Variants in TMEM120B observed in about 807,000 individuals in gnomAD.
TMEM120B encodes the protein transmembrane protein 120B.
In TMEM120B, 31 loss-of-function variants were observed where a neutral mutation model predicts 55.5. That is an observed-to-expected ratio of 0.56 (90% confidence interval 0.42 to 0.75). The LOEUF is 0.75. TMEM120B is among the 30% of genes least tolerant of loss of function. TMEM120B has a pLI of 0.00. For synonymous variants in TMEM120B, 203 were observed against 176.3 expected (o/e 1.15, Z -1.20); for missense variants, 399 against 425.5 (o/e 0.94, Z 0.55).
chr12:121,761,767 C>T, intron 6 of TMEM120B, 29 bp downstream of exon 6: 2 of 1,577,890 alleles, frequency 1.3e-6, no homozygotes, highest in Non-Finnish European at 1.7e-6. Context: ...TTGTGGGGAG[C>T]ACAAGAGGAG....
intron 1 of TMEM120B, among the ~76,000 whole-genome samples, chr12:121,735,232 A>G (rs1231429351): frequency 2.0e-5 from 3 of 151,524 alleles, no homozygotes; most frequent in Non-Finnish European, 4.4e-5. Context: ...AAAACCTCCC[A>G]ACTTAGTGAA....
intron 1 of TMEM120B, among the ~76,000 whole-genome samples, chr12:121,732,445 G>A (rs551413994): frequency 3.9e-5 from 6 of 152,150 alleles, no homozygotes; most frequent in Non-Finnish European, 4.4e-5. Flanking sequence ...ATGACAGAGC[G>A]AGAGAATTGC....
chr12:121,716,935 T>C (rs1894714136), intron 1 of TMEM120B, among the ~76,000 whole-genome samples: 1 of 152,120 alleles, frequency 6.6e-6, no homozygotes, highest in Admixed American at 6.6e-5. Context: ...ATCTTTGGAA[T>C]TTCCCTCCTC....
In TMEM120B at chr12:121,779,892, T is replaced by G; in HGVS notation, c.*4170T>G. The stretch of plus-strand genomic sequence containing the variant: ...CCCTGTCCAGGCCCCCACCCTGGCC[T>G]CTCTCCAGCTCCGGGCAGGGAGGGG... On this transcript the variant is annotated 3_prime_UTR_variant, in exon 12 of 12. Transcript: ENST00000449592. The G allele has an allele frequency of 1.9e-6, 1 of 520,802 alleles. No homozygotes were observed. Among genetic ancestry groups the G allele is most frequent in the Non-Finnish European group, 3.5e-6 (1 of 289,734 alleles). 32.3% of individuals were successfully genotyped at this position (520,802 alleles called of 1,614,324 possible).
intron 3 of TMEM120B, 82 bp from the exon 4 acceptor site, chr12:121,750,298 T>C (rs1354399608): frequency 7.7e-7 from 1 of 1,304,708 alleles, no homozygotes. Flanking sequence ...TGGGATGTGC[T>C]CATTAAGTGT....
chr12:121,732,264 C>T (rs1036231315), intron 1 of TMEM120B, among the ~76,000 whole-genome samples: 5 of 152,206 alleles, frequency 3.3e-5, no homozygotes, highest in African/African-American at 1.2e-4. Context: ...GAATGCCTTG[C>T]GGGTGGAGAA....
rs550033474 is a variant in TMEM120B, at chr12:121,752,112, G to A, written c.366-16G>A. On this transcript the variant is annotated splice_polypyrimidine_tract_variant and intron_variant, in intron 4 of 11. Transcript: ENST00000449592. ...CATGGTAAGGGGCACACCCCTGGGCGTGTCTGTCGTGGCAGGTTCGCCTAC... is the reference window on the plus strand; with the variant it reads ...CATGGTAAGGGGCACACCCCTGGGCATGTCTGTCGTGGCAGGTTCGCCTAC... 3.7e-5 allele frequency: 60 copies of A among 1,610,476 alleles called. No individual in the cohort carries two copies. Among genetic ancestry groups the A allele is most frequent in the Non-Finnish European group, 4.2e-5 (49 of 1,177,444 alleles).
intron 6 of TMEM120B, among the ~76,000 whole-genome samples, chr12:121,764,331 A>G (rs537051842): frequency 1.3e-5 from 2 of 152,108 alleles, no homozygotes; most frequent in Non-Finnish European, 2.9e-5. Flanking sequence ...GACCAGCCTG[A>G]CCAACATGGG....
chr12:121,716,618 A>T (rs1894708478), intron 1 of TMEM120B, among the ~76,000 whole-genome samples: 1 of 139,824 alleles, frequency 7.2e-6, no homozygotes, highest in Non-Finnish European at 1.5e-5. Flanking sequence ...ACTAGAGTAC[A>T]GTGGCACAAT....
Position 121,780,881 on chromosome 12 carries a change from G to C in TMEM120B, c.*5159G>C. On this transcript the variant is annotated 3_prime_UTR_variant, in exon 12 of 12. Transcript: ENST00000449592. ...CTTGGCCCCGGCCCACCTGCATGTA[G>C]GTGATGGGCTCCAGCTGGGCGGCCC... The C allele has an allele frequency of 6.2e-7, 1 of 1,613,426 alleles. No homozygotes were observed. Among genetic ancestry groups the C allele is most frequent in the Non-Finnish European group, 8.5e-7 (1 of 1,179,840 alleles).
intron 6 of TMEM120B, among the ~76,000 whole-genome samples, chr12:121,769,828 C>T (rs907402422): frequency 6.6e-6 from 1 of 152,020 alleles, no homozygotes. Context: ...AAGACCCCTG[C>T]TCAATCTAGA....
At chr12:121,769,255 G>C (rs546369241) in intron 6 of TMEM120B, among the ~76,000 whole-genome samples, 1 of 152,110 alleles carries the variant, frequency 6.6e-6, no homozygotes, top group Non-Finnish European at 1.5e-5. Context: ...TGAAGTCCAG[G>C]GCTGGGCAAG....
intron 6 of TMEM120B, among the ~76,000 whole-genome samples, chr12:121,768,097 C>G (rs896708872): frequency 3.3e-5 from 5 of 152,186 alleles, no homozygotes. Context: ...CCAGGGGCTT[C>G]TTAGACTCTG....
At chr12:121,767,046 C>A (rs1188494200) in intron 6 of TMEM120B, among the ~76,000 whole-genome samples, 1 of 152,200 alleles carries the variant, frequency 6.6e-6, no homozygotes, top group Non-Finnish European at 1.5e-5. Context: ...GAGAAGTCTA[C>A]CCTTGCAATT....
At chr12:121,771,108 C>A (rs1874036081) in intron 7 of TMEM120B, 136 bp downstream of exon 7, 2 of 994,462 alleles carry the variant, frequency 2.0e-6, no homozygotes, top group African/African-American at 1.6e-5. Flanking sequence ...TATGAGCCTG[C>A]AGCTGCGCCG....
At chr12:121,756,866 G>T (rs1026446901) in intron 5 of TMEM120B, among the ~76,000 whole-genome samples, 1 of 152,226 alleles carries the variant, frequency 6.6e-6, no homozygotes, top group African/African-American at 2.4e-5. Context: ...CTTCCCGGCT[G>T]TGGGACTGTG....
intron 7 of TMEM120B, 145 bp downstream of exon 7, chr12:121,771,117 C>A: frequency 4.5e-6 from 4 of 889,154 alleles, no homozygotes; most frequent in East Asian, 2.6e-5. Flanking sequence ...GCAGCTGCGC[C>A]GGGCTGCGCG....
intron 1 of TMEM120B, among the ~76,000 whole-genome samples, chr12:121,730,647 C>CAAAAAA (rs71079088): frequency 1.1e-5 from 1 of 94,518 alleles, no homozygotes; most frequent in Non-Finnish European, 2.0e-5. Context: ...GAGACACAGT[C>CAAAAAA]AAAAAAAAAA....
Position 121,760,574 on chromosome 12 carries a change from T to A in TMEM120B, c.462-1075T>A, listed in dbSNP as rs569334166. Among the ~76,000 whole-genome samples, 110 of 152,326 alleles carry A rather than the reference T, an allele frequency of 7.2e-4. 5 individuals are homozygous for A. The South Asian group carries it at 0.022, about 30-fold the overall frequency. On this transcript the variant is annotated intron_variant, in intron 5 of 11. Transcript: ENST00000449592. ...AGTGGAATGTCCCCGGAAAGTCATG[T>A]ACGAGTTAAACACTGTCATTTTGCC...
Sources: gnomAD v4.1 joint callset for allele counts (sites outside exome capture counted in the v4.1 genomes callset) on GRCh38, gnomAD v4.1.1 for gene constraint, MANE v1.5 for transcripts, NCBI Gene and HGNC (gene_info 2026-07-23, HGNC 2026-07-21) for gene names.